Variants in KCNQ1 observed in about 807,000 individuals in gnomAD.
KCNQ1 encodes the protein potassium voltage-gated channel subfamily KQT member 1.
KCNQ1 carries 49 observed loss-of-function variants against 72.4 expected under a neutral mutation model. The ratio of observed to expected loss-of-function variants is 0.68; its 90% CI spans 0.54 to 0.86. KCNQ1 has a LOEUF of 0.86. KCNQ1 is among the 40% of genes least tolerant of loss of function. The pLI is 0.00. For synonymous variants in KCNQ1, 450 were observed against 412.6 expected, an observed-to-expected ratio of 1.09 and a Z score of -1.10; for missense variants, 790 against 945.1, an observed-to-expected ratio of 0.84 and a Z score of 2.15.
In KCNQ1 at chr11:2,768,984, A is replaced by G. The variant is rs1042107104; in HGVS notation, c.1590+65A>G. The G allele has an allele frequency of 9.1e-6, 12 of 1,320,152 alleles. No individual in the cohort carries two copies. In the East Asian group the frequency reaches 2.5e-4, roughly 28 times the overall value. 81.8% of individuals were successfully genotyped at this position (1,320,152 alleles called of 1,614,324 possible). A position where few individuals can be genotyped will look rare whatever the true frequency, so the allele number is the denominator to read the frequency against. On this transcript the variant is annotated intron_variant, in intron 12 of 15. Transcript: ENST00000155840. The surrounding 1 kb of genome is among the most constrained non-coding windows in gnomAD (Gnocchi z 6.7). Reference sequence around the variant, plus strand: ...CTCGCAGCCTGATGCAGCTGCCCACACCTCTCCTGGGTTCTCTCCTGCCCA... The same window carrying G: ...CTCGCAGCCTGATGCAGCTGCCCACGCCTCTCCTGGGTTCTCTCCTGCCCA...
chr11:2,775,484 T>G (rs1846677572), intron 12 of KCNQ1, among the ~76,000 whole-genome samples: 1 of 152,240 alleles, frequency 6.6e-6, no homozygotes, highest in Non-Finnish European at 1.5e-5. Flanking sequence ...ACCCGCTCCC[T>G]ACCCTGAGGA....
At chr11:2,583,271 C>T (rs183203322) in intron 6 of KCNQ1, among the ~76,000 whole-genome samples, 164 bp from the exon 7 acceptor site, 4 of 152,282 alleles carry the variant, frequency 2.6e-5, no homozygotes, top group African/African-American at 4.8e-5. Flanking sequence ...TGCCATCCCG[C>T]GGCTCTGTTC....
chr11:2,756,951 T>TAAAAAAAAAA (rs58284663), intron 11 of KCNQ1, among the ~76,000 whole-genome samples: 4 of 50,986 alleles, frequency 7.8e-5, no homozygotes, highest in African/African-American at 2.7e-4. Context: ...AAGAGCATCT[T>TAAAAAAAAAA]AAAAAAAAAA....
rs987509603 is a variant in KCNQ1 at position 2,816,443 on chromosome 11, C to T, written c.1795-31324C>T. 2.0e-5 allele frequency among the ~76,000 whole-genome samples: 3 copies of T among 152,128 alleles called. No individual in the cohort carries two copies. The highest frequency in any genetic ancestry group is 2.9e-5 in the Non-Finnish European group (2 of 68,022). On this transcript the variant is annotated intron_variant, in intron 15 of 15. Transcript: ENST00000155840. This position sits in a 1 kb window ranked among gnomAD's most constrained non-coding sequence, Gnocchi z 6.8. Reference sequence around the variant, plus strand: ...GTCCAGTGATCTCCTTCTGAGAATCCGCCCTGGAGCAGTAACACCCTTGGG... The same window carrying T: ...GTCCAGTGATCTCCTTCTGAGAATCTGCCCTGGAGCAGTAACACCCTTGGG...
chr11:2,469,414 C>T (rs146638968), intron 1 of KCNQ1, among the ~76,000 whole-genome samples: 2,042 of 152,136 alleles, frequency 0.013, 43 homozygotes, highest in African/African-American at 0.047. Flanking sequence ...GTTGGGACTA[C>T]AGATGCCCGC....
In KCNQ1 at chr11:2,671,459, G is replaced by A; in HGVS notation, c.1514+9378G>A. On this transcript the variant is annotated intron_variant, in intron 11 of 15. Coordinates refer to ENST00000155840, the MANE Select transcript of KCNQ1 (RefSeq NM_000218.3). This position sits in a 1 kb window ranked among gnomAD's most constrained non-coding sequence, Gnocchi z 4.7. ...CTTTAGCAGGCAGAAGAGCAACCCA[G>A]CAGGGGATATACACAAAGATCTGAG... 2 of 398,620 alleles carry A rather than the reference G, an allele frequency of 5.0e-6. No individual in the cohort carries two copies. The highest frequency in any genetic ancestry group is 8.8e-6 in the Non-Finnish European group (2 of 226,076). 24.7% of individuals were successfully genotyped at this position (398,620 alleles called of 1,614,324 possible).
At chr11:2,770,643 C>T (rs1196725470) in intron 12 of KCNQ1, among the ~76,000 whole-genome samples, 2 of 152,234 alleles carry the variant, frequency 1.3e-5, no homozygotes, top group Non-Finnish European at 2.9e-5. Flanking sequence ...CCTGGGACCT[C>T]TTGCAGTCAA....
intron 15 of KCNQ1, among the ~76,000 whole-genome samples, chr11:2,840,601 G>C (rs1215208447): frequency 1.3e-5 from 2 of 152,176 alleles, no homozygotes; most frequent in African/African-American, 4.8e-5. Flanking sequence ...TAAAGGAAAA[G>C]ATGGATGGCT....
At chr11:2,716,719 C>T (rs756822408) in intron 11 of KCNQ1, among the ~76,000 whole-genome samples, 24 of 152,370 alleles carry the variant, frequency 1.6e-4, no homozygotes, top group Non-Finnish European at 2.2e-4. Context: ...GTGAAAGGCA[C>T]GGGCAGCGCG....
At position 2,567,936 on chromosome 11, in the gene KCNQ1, G is replaced by A. The variant is rs890184065; in HGVS notation, c.478-2692G>A. On this transcript the variant is annotated intron_variant, in intron 2 of 15. Transcript: ENST00000155840. The surrounding 1 kb of genome is among the most constrained non-coding windows in gnomAD (Gnocchi z 6.6). ...ACACCTATCATTTCAGACCTGCCTA[G>A]GACATGCCTGGAGAAGGTATTTAAG... Among the ~76,000 whole-genome samples, 6 of 152,198 alleles carry A rather than the reference G, an allele frequency of 3.9e-5. No homozygotes were observed. Among genetic ancestry groups the A allele is most frequent in the African/African-American group, 1.4e-4 (6 of 41,448 alleles).
intron 10 of KCNQ1, among the ~76,000 whole-genome samples, chr11:2,591,845 C>A (rs1848674605): frequency 6.6e-6 from 1 of 152,254 alleles, no homozygotes; most frequent in Non-Finnish European, 1.5e-5. Context: ...CTTTCTGGAG[C>A]CTGAGCTGTT....
chr11:2,446,749 C>T lies in KCNQ1; in HGVS notation c.386+1265C>T, dbSNP rs74048605. 0.011 allele frequency among the ~76,000 whole-genome samples: 1,719 copies of T among 152,338 alleles called. 34 individuals are homozygous for T. The highest frequency in any genetic ancestry group is 0.04 in the African/African-American group (1,659 of 41,578). On this transcript the variant is annotated intron_variant, in intron 1 of 15. Transcript: ENST00000155840. The surrounding 1 kb of genome is among the most constrained non-coding windows in gnomAD (Gnocchi z 8.8). ...GTGATCTTGGAGACTTTTCCCCACC[C>T]CAGCTCCCAAGCCCCTGTCTCCTGA...
rs907046018 is a variant in KCNQ1 at position 2,826,202 on chromosome 11, A to C, written c.1795-21565A>C. On this transcript the variant is annotated intron_variant, in intron 15 of 15. Coordinates refer to ENST00000155840, the MANE Select transcript of KCNQ1 (RefSeq NM_000218.3). The surrounding 1 kb of genome is among the most constrained non-coding windows in gnomAD (Gnocchi z 4.2). ...CTCCGAGGGAGTGCTATTGTTTTTCATGTCAGCTGCATTTTAAGGCTACAT... is the reference window on the plus strand; with the variant it reads ...CTCCGAGGGAGTGCTATTGTTTTTCCTGTCAGCTGCATTTTAAGGCTACAT... Among the ~76,000 whole-genome samples the C allele has an allele frequency of 6.6e-6, 1 of 152,116 alleles. No individual in the cohort carries two copies.
chr11:2,827,749 C>A lies in KCNQ1; in HGVS notation c.1795-20018C>A, dbSNP rs930660169. On this transcript the variant is annotated intron_variant, in intron 15 of 15. Coordinates refer to ENST00000155840, the MANE Select transcript of KCNQ1 (RefSeq NM_000218.3). The surrounding 1 kb of genome is among the most constrained non-coding windows in gnomAD (Gnocchi z 6.7). ...CAGAAGGACTCAGATAGGAGTTGGG[C>A]GCTTGAGGGAGGAAATGGGGGTACA... 6.6e-6 allele frequency among the ~76,000 whole-genome samples: 1 copy of A among 152,062 alleles called. No individual in the cohort carries two copies. The highest frequency in any genetic ancestry group is 1.9e-4 in the East Asian group (1 of 5,166).
intron 2 of KCNQ1, among the ~76,000 whole-genome samples, chr11:2,540,291 A>T (rs1025290477): frequency 1.3e-5 from 2 of 152,238 alleles, no homozygotes; most frequent in African/African-American, 4.8e-5. Context: ...CAGGTCACAC[A>T]GAGTGAAAAC....
At position 2,515,971 on chromosome 11, in the gene KCNQ1, C is replaced by A. The variant is rs867804194; in HGVS notation, c.387-11957C>A. Among the ~76,000 whole-genome samples, 1 of 152,024 alleles carries A rather than the reference C, an allele frequency of 6.6e-6. No individual in the cohort carries two copies. The highest frequency in any genetic ancestry group is 2.1e-4 in the South Asian group (1 of 4,816). On this transcript the variant is annotated intron_variant, in intron 1 of 15. Transcript: ENST00000155840. The surrounding 1 kb of genome is among the most constrained non-coding windows in gnomAD (Gnocchi z 4.7). ...ATGTGTGCCATGGCTGCAGTGACAGCCCAGACCCCAGGGGCCGGGCATCCC... is the reference window on the plus strand; with the variant it reads ...ATGTGTGCCATGGCTGCAGTGACAGACCAGACCCCAGGGGCCGGGCATCCC...
intron 11 of KCNQ1, among the ~76,000 whole-genome samples, chr11:2,733,851 CTCTCT>C (rs1845904783): frequency 1.4e-5 from 1 of 70,762 alleles, no homozygotes; most frequent in African/African-American, 8.7e-5. Flanking sequence ...CTCTCTCTCT[CTCTCT>C]CCCCCCCCAC....
intron 15 of KCNQ1, among the ~76,000 whole-genome samples, chr11:2,838,377 C>G (rs1182135926): frequency 6.6e-6 from 1 of 152,206 alleles, no homozygotes; most frequent in East Asian, 1.9e-4. Context: ...AGAGTGAGGC[C>G]AGGGATGGGG....
chr11:2,620,037 C>T lies in KCNQ1; in HGVS notation c.1393+31183C>T. 2.5e-6 allele frequency: 1 copy of T among 398,104 alleles called. No homozygotes were observed. Among genetic ancestry groups the T allele is most frequent in the South Asian group, 1.3e-4 (1 of 7,812 alleles). 24.7% of individuals were successfully genotyped at this position (398,104 alleles called of 1,614,324 possible). A position where few individuals can be genotyped will look rare whatever the true frequency, so the allele number is the denominator to read the frequency against. ...CTCCATTCCTCCCCCAAGTAGTCCC[C>T]AGTGTCTACTGATCATCTTTATGTC... On this transcript the variant is annotated intron_variant, in intron 10 of 15. Transcript: ENST00000155840. The surrounding 1 kb of genome is among the most constrained non-coding windows in gnomAD (Gnocchi z 4.5).
Sources: gnomAD v4.1 joint callset for allele counts (sites outside exome capture counted in the v4.1 genomes callset) on GRCh38, gnomAD v4.1.1 for gene constraint, Gnocchi (gnomAD v3.1) non-coding constraint, MANE v1.5 for transcripts, NCBI Gene and HGNC (gene_info 2026-07-23, HGNC 2026-07-21) for gene names.